Variants in GPATCH2 observed in about 807,000 individuals in gnomAD.
The protein encoded by GPATCH2 is G-patch domain containing 2.
In GPATCH2, 51 loss-of-function variants were observed where a neutral mutation model predicts 58.0. The ratio of observed to expected loss-of-function variants is 0.88; its 90% CI spans 0.70 to 1.11. The LOEUF is 1.11. Among genes scored for constraint, GPATCH2 ranks in the 50% most tolerant of loss-of-function variants. The pLI, the probability that GPATCH2 is intolerant of heterozygous loss-of-function variation, is 0.00. For synonymous variants in GPATCH2, 222 were observed against 218.5 expected, an observed-to-expected ratio of 1.02 and a Z score of -0.14; for missense variants, 625 against 652.2, an observed-to-expected ratio of 0.96 and a Z score of 0.45.
chr1:217,573,285 G>A (rs1260637344), intron 5 of GPATCH2, among the ~76,000 whole-genome samples: 1 of 152,032 alleles, frequency 6.6e-6, no homozygotes, highest in Non-Finnish European at 1.5e-5. Flanking sequence ...CATTTGAAGA[G>A]GGTCTTTGTT....
chr1:217,561,078 AACAG>A (rs1169783079), intron 5 of GPATCH2, among the ~76,000 whole-genome samples: 1 of 152,176 alleles, frequency 6.6e-6, no homozygotes, highest in African/African-American at 2.4e-5. Flanking sequence ...CTGGAAAACA[AACAG>A]ACAAACAAAC....
At chr1:217,555,215 T>C (rs149040318) in intron 5 of GPATCH2, among the ~76,000 whole-genome samples, 232 of 152,318 alleles carry the variant, frequency 1.5e-3, no homozygotes, top group Middle Eastern at 3.4e-3. Context: ...AAAGGTAAGC[T>C]AGCATCATAA....
At chr1:217,444,416 A>G (rs1443594847) in intron 9 of GPATCH2, among the ~76,000 whole-genome samples, 2 of 152,166 alleles carry the variant, frequency 1.3e-5, no homozygotes, top group East Asian at 3.8e-4. Context: ...TCTTTCCTGT[A>G]GTCTCAGCTA....
chr1:217,607,372 G>T lies in GPATCH2; in HGVS notation c.1098+2949C>A, dbSNP rs114485389. On this transcript the variant is annotated intron_variant, in intron 5 of 9. Transcript: ENST00000366935. ...CTAAATTAGTACCAGATTTTTTTTT[G>T]AATTGTTGTGCTTTTTGTGGGTGAT... is the stretch of plus-strand genomic sequence containing the variant. 7.1e-3 allele frequency among the ~76,000 whole-genome samples: 1,073 copies of T among 151,118 alleles called. 11 individuals are homozygous for T. The highest frequency in any genetic ancestry group is 0.025 in the African/African-American group (1,019 of 41,238).
At chr1:217,435,837 G>A (rs560727191) in intron 9 of GPATCH2, among the ~76,000 whole-genome samples, 20 of 152,138 alleles carry the variant, frequency 1.3e-4, no homozygotes, top group East Asian at 1.9e-4. Context: ...ACTATTCTTC[G>A]TCTAATATTT....
rs907159564 is a variant in GPATCH2, at chr1:217,608,403, G to C, written c.1098+1918C>G. 8.1e-6 allele frequency: 8 copies of C among 984,508 alleles called. No individual in the cohort carries two copies. The African/African-American group carries it at 1.0e-4, about 13-fold the overall frequency. The allele number at this position is 984,508 out of a possible 1,614,324, so 61.0% of individuals were successfully genotyped here. ...CACATATATAGTATGTCTCCATCAA[G>C]TGAAACTTCATCACCTTTTTACAAT... On this transcript the variant is annotated intron_variant, in intron 5 of 9. Transcript: ENST00000366935.
intron 8 of GPATCH2, among the ~76,000 whole-genome samples, chr1:217,464,987 T>C (rs1421138071): frequency 6.6e-6 from 1 of 151,798 alleles, no homozygotes; most frequent in African/African-American, 2.4e-5. Context: ...AAGAAAATGA[T>C]AGAAGATATA....
At chr1:217,455,335 C>A (rs191455906) in intron 8 of GPATCH2, among the ~76,000 whole-genome samples, 1 of 152,110 alleles carries the variant, frequency 6.6e-6, no homozygotes, top group African/African-American at 2.4e-5. Context: ...GCCTGCCTAC[C>A]CTTCTCCAAG....
At chr1:217,491,975 A>G (rs934362830) in intron 7 of GPATCH2, among the ~76,000 whole-genome samples, 1 of 148,936 alleles carries the variant, frequency 6.7e-6, no homozygotes, top group Non-Finnish European at 1.5e-5. Context: ...TTCATTCTTT[A>G]TTGTCACTGT....
intron 8 of GPATCH2, among the ~76,000 whole-genome samples, chr1:217,458,072 A>T (rs1660030737): frequency 6.6e-6 from 1 of 152,156 alleles, no homozygotes; most frequent in South Asian, 2.1e-4. Context: ...CTAAAAACAC[A>T]CAAAAAAATT....
At chr1:217,448,632 T>C (rs1258061195) in intron 9 of GPATCH2, among the ~76,000 whole-genome samples, 1 of 152,202 alleles carries the variant, frequency 6.6e-6, no homozygotes, top group Non-Finnish European at 1.5e-5. Flanking sequence ...CTACAGTGAC[T>C]TCCCTCTGAT....
chr1:217,578,898 A>G (rs1666930157), intron 5 of GPATCH2, among the ~76,000 whole-genome samples: 1 of 152,240 alleles, frequency 6.6e-6, no homozygotes, highest in Non-Finnish European at 1.5e-5. Context: ...GTGTGTGAAC[A>G]TAGAATGATC....
chr1:217,546,874 G>A (rs898234070), intron 5 of GPATCH2, among the ~76,000 whole-genome samples: 1 of 151,994 alleles, frequency 6.6e-6, no homozygotes, highest in African/African-American at 2.4e-5. Context: ...GCATCTGTAA[G>A]GAACTTAAAC....
At chr1:217,551,544 T>C (rs1019374723) in intron 5 of GPATCH2, among the ~76,000 whole-genome samples, 6 of 152,114 alleles carry the variant, frequency 3.9e-5, no homozygotes, top group African/African-American at 1.4e-4. Flanking sequence ...AGACTGCTAG[T>C]CTTCTCTAAT....
In GPATCH2 at chr1:217,464,010, AT is replaced by A. The variant is rs569061961; in HGVS notation, c.1278-14674del. ...TGTGTGAAGGACTGCATGAAACATCATTTTTTTTCTAGTAACAGACAATACC... is the reference window on the plus strand; with the variant it reads ...TGTGTGAAGGACTGCATGAAACATCATTTTTTTCTAGTAACAGACAATACC... On this transcript the variant is annotated intron_variant, in intron 8 of 9. Transcript: ENST00000366935. 9.3e-4 allele frequency among the ~76,000 whole-genome samples: 142 copies of A among 152,044 alleles called. 1 individual carries two copies. Among genetic ancestry groups the A allele is most frequent in the Middle Eastern group, 6.8e-3 (2 of 294 alleles).
intron 8 of GPATCH2, among the ~76,000 whole-genome samples, chr1:217,457,714 C>T (rs937633747): frequency 1.3e-5 from 2 of 152,144 alleles, no homozygotes; most frequent in African/African-American, 2.4e-5. Flanking sequence ...ATCATGTAGG[C>T]ATTTTTTTGG....
intron 3 of GPATCH2, 58 bp from the exon 4 acceptor site, chr1:217,611,129 A>C: frequency 6.9e-7 from 1 of 1,452,820 alleles, no homozygotes; most frequent in South Asian, 1.3e-5. Context: ...ATCCAGTTAC[A>C]CAATTAGTCT....
chr1:217,600,258 G>C (rs1668047522), intron 5 of GPATCH2, among the ~76,000 whole-genome samples: 1 of 152,082 alleles, frequency 6.6e-6, no homozygotes, highest in African/African-American at 2.4e-5. Flanking sequence ...AGTTTTATTG[G>C]CTTAAAACAT....
At chr1:217,445,695 A>G (rs1659357312) in intron 9 of GPATCH2, among the ~76,000 whole-genome samples, 1 of 152,132 alleles carries the variant, frequency 6.6e-6, no homozygotes, top group Non-Finnish European at 1.5e-5. Context: ...CTTTGTCAAT[A>G]CAAAATACAA....
Sources: gnomAD v4.1 joint callset for allele counts (sites outside exome capture counted in the v4.1 genomes callset) on GRCh38, gnomAD v4.1.1 for gene constraint, MANE v1.5 for transcripts, NCBI Gene and HGNC (gene_info 2026-07-23, HGNC 2026-07-21) for gene names.